The following MICALL2 variants were observed in gnomAD, a reference collection of about 807,000 sequenced individuals.
MICALL2 encodes the protein MICAL-like protein 2.
Under a neutral mutation model 91.1 loss-of-function variants are expected in MICALL2, and 111 were observed. The ratio of observed to expected loss-of-function variants is 1.22; its 90% CI spans 1.04 to 1.43. MICALL2 has a LOEUF of 1.43. MICALL2 is among the 40% of genes most tolerant of loss of function. The pLI is 0.00. For synonymous variants in MICALL2, 694 were observed against 525.3 expected, an observed-to-expected ratio of 1.32 and a Z score of -4.39; for missense variants, 1,556 against 1,236.0, an observed-to-expected ratio of 1.26 and a Z score of -3.88.
At chr7:1,458,113 G>A (rs1364444588) in intron 1 of MICALL2, among the ~76,000 whole-genome samples, 2 of 152,378 alleles carry the variant, frequency 1.3e-5, no homozygotes, top group East Asian at 3.9e-4. Flanking sequence ...CAGGGGCCGA[G>A]GCTGTTGCTC....
chr7:1,447,811 G>A (rs779940381), intron 3 of MICALL2, 46 bp from the exon 4 acceptor site: 2 of 1,416,472 alleles, frequency 1.4e-6, no homozygotes, highest in Non-Finnish European at 1.9e-6. Flanking sequence ...GCCTGGCTCT[G>A]AAAGGGTCTA....
At chr7:1,453,789 G>A (rs1017657110) in intron 1 of MICALL2, among the ~76,000 whole-genome samples, 7 of 152,128 alleles carry the variant, frequency 4.6e-5, no homozygotes, top group African/African-American at 4.8e-5. Flanking sequence ...ACCATGGCCC[G>A]GCTCCAAGAC....
intron 13 of MICALL2, 118 bp downstream of exon 13, chr7:1,437,772 G>A: frequency 1.6e-6 from 2 of 1,248,548 alleles, no homozygotes; most frequent in East Asian, 5.1e-5. Context: ...CGAGGTCCTG[G>A]ACCTGCCGCA....
intron 4 of MICALL2, among the ~76,000 whole-genome samples, chr7:1,447,359 T>TCCCTGGGACTCGATTTA (rs376790657): frequency 9.0e-4 from 137 of 152,220 alleles, no homozygotes; most frequent in African/African-American, 3.0e-3. Flanking sequence ...CTTTGTGCTC[T>TCCCTGGGACTCGATTTA]CCCATCTGTA....
At chr7:1,437,705 C>G in intron 13 of MICALL2, 97 bp from the exon 14 acceptor site, 1 of 1,377,852 alleles carries the variant, frequency 7.3e-7, no homozygotes, top group Non-Finnish European at 1.0e-6. Flanking sequence ...GCCACACAGA[C>G]ACGAGTCTGA....
chr7:1,448,771 G>A lies in MICALL2; in HGVS notation c.193-10C>T. The A allele has an allele frequency of 1.2e-6, 2 of 1,612,120 alleles. No individual in the cohort carries two copies. Among genetic ancestry groups the A allele is most frequent in the South Asian group, 1.1e-5 (1 of 91,052 alleles). On this transcript the variant is annotated splice_polypyrimidine_tract_variant and intron_variant, in intron 2 of 16. Coordinates refer to ENST00000297508, the MANE Select transcript of MICALL2 (RefSeq NM_182924.4). Reference sequence around the variant, plus strand: ...CGGCCACGCGGAAGGCCTGCGAAAGGTGGGAGGGGGTCAGCGGGGCAGCTG... The same window carrying A: ...CGGCCACGCGGAAGGCCTGCGAAAGATGGGAGGGGGTCAGCGGGGCAGCTG...
rs138896935 is a variant in MICALL2, at chr7:1,440,612, T to C, written c.1784A>G (p.Asp595Gly). The C allele has an allele frequency of 1.2e-6, 2 of 1,612,624 alleles. No individual in the cohort carries two copies. Among genetic ancestry groups the C allele is most frequent in the African/African-American group, 1.3e-5 (1 of 74,892 alleles). ...TAACCTCTCAGCTGGGCTTCTCCTG[T>C]CCACGGGCTTCAGATTCGCTCTCCA... is the stretch of plus-strand genomic sequence containing the variant. ...AGWRANLKPV[D>G]RRSPAERTLK... The change falls in exon 8 of 17, where the codon GAC becomes GGC. Residue 595 changes from aspartate to glycine, a missense_variant. Coordinates refer to ENST00000297508, the MANE Select transcript of MICALL2 (RefSeq NM_182924.4).
At position 1,446,843 on chromosome 7, in the gene MICALL2, A is replaced by G. The variant is rs371280045; in HGVS notation, c.526-15T>C. On this transcript the variant is annotated splice_polypyrimidine_tract_variant and intron_variant, in intron 4 of 16. Transcript: ENST00000297508. ...AATGCCTGGTCCTGGGGAAGATGCC[A>G]GCACCTCTCTGAGCAGCCGTCCACC... The G allele has an allele frequency of 5.8e-6, 9 of 1,548,860 alleles. No homozygotes were observed. In the African/African-American group the frequency reaches 1.2e-4, roughly 21 times the overall value.
Position 1,445,422 on chromosome 7 carries a change from C to T in MICALL2, c.648G>A (p.Lys216=), listed in dbSNP as rs778632815. 1 of 1,538,386 alleles carries T rather than the reference C, an allele frequency of 6.5e-7. No homozygotes were observed. The highest frequency in any genetic ancestry group is 8.7e-7 in the Non-Finnish European group (1 of 1,148,052). ...RLYHRSCFRC[K]QCSCTLHSGA... ...CCGAGTGCAGCGTGCAGGAGCACTG[C>T]TTACACCTGGGGGAGGAAAGGCACA... Residue 216 remains lysine, a synonymous_variant, in exon 6 of 17, where the codon AAG becomes AAA. Transcript: ENST00000297508.
rs903350426 is a variant in MICALL2, at chr7:1,440,247, G to A, written c.1806-162C>T. ...TGACTACACCTGCTGGGACCCTCCT[G>A]CAAACACACGTGTCCATCGCTACCT... On this transcript the variant is annotated intron_variant, in intron 8 of 16. Coordinates refer to ENST00000297508, the MANE Select transcript of MICALL2 (RefSeq NM_182924.4). The A allele has an allele frequency of 1.1e-5, 9 of 825,788 alleles. 1 individual carries two copies. The South Asian group carries it at 1.2e-4, about 11-fold the overall frequency. 51.2% of individuals were successfully genotyped at this position (825,788 alleles called of 1,614,324 possible).
At chr7:1,434,770 T>C in intron 16 of MICALL2, 98 bp from the exon 17 acceptor site, 2 of 1,283,944 alleles carry the variant, frequency 1.6e-6, no homozygotes, top group African/African-American at 1.5e-5. Flanking sequence ...TCCCTTCCAC[T>C]GGCCACAATC....
At chr7:1,435,941 A>G (rs2128518521) in intron 15 of MICALL2, among the ~76,000 whole-genome samples, 1 of 151,712 alleles carries the variant, frequency 6.6e-6, no homozygotes, top group South Asian at 2.1e-4. Context: ...AGTCCCAGCT[A>G]CTTGGGAAGC....
rs1379218307 is a variant in MICALL2 at position 1,442,491 on chromosome 7, G to A, written c.1419-7C>T. On this transcript the variant is annotated splice_polypyrimidine_tract_variant and splice_region_variant and intron_variant, in intron 6 of 16. Coordinates refer to ENST00000297508, the MANE Select transcript of MICALL2 (RefSeq NM_182924.4). The stretch of plus-strand genomic sequence containing the variant: ...GGCAGTGGCTGGGGAGGGCCTATAA[G>A]TAAAAGCGCAGGCATCAGGCACAGC... 1.3e-6 allele frequency: 2 copies of A among 1,523,492 alleles called. No individual in the cohort carries two copies. Among genetic ancestry groups the A allele is most frequent in the African/African-American group, 1.4e-5 (1 of 72,074 alleles). The allele number at this position is 1,523,492 out of a possible 1,614,324, so 94.4% of individuals were successfully genotyped here.
chr7:1,457,195 T>G (rs530382680), intron 1 of MICALL2, among the ~76,000 whole-genome samples: 2 of 152,188 alleles, frequency 1.3e-5, no homozygotes, highest in Non-Finnish European at 2.9e-5. Context: ...CCATATCTAC[T>G]GAACCCCAAC....
At chr7:1,448,512 T>C in intron 3 of MICALL2, 108 bp downstream of exon 3, 3 of 1,037,278 alleles carry the variant, frequency 2.9e-6, no homozygotes, top group African/African-American at 1.8e-5. Context: ...GGGGCCATTC[T>C]TGGGGGGGGG....
intron 14 of MICALL2, 133 bp from the exon 15 acceptor site, chr7:1,436,989 C>T (rs1053020430): frequency 1.0e-5 from 6 of 597,854 alleles, no homozygotes; most frequent in Admixed American, 7.3e-5. Context: ...GGATCCGGAG[C>T]AGAATGAATG....
Position 1,437,995 on chromosome 7 carries a change from C to T in MICALL2, c.2312-15G>A. On this transcript the variant is annotated splice_polypyrimidine_tract_variant and intron_variant, in intron 12 of 16. Transcript: ENST00000297508. ...CTCAGCGTCATCTGGGGAGAGGAGC[C>T]AGCTGGGGCAGGGGGGCCCGCCAGA... The T allele has an allele frequency of 6.4e-7, 1 of 1,550,808 alleles. No individual in the cohort carries two copies. Among genetic ancestry groups the T allele is most frequent in the Non-Finnish European group, 8.7e-7 (1 of 1,147,746 alleles).
At chr7:1,454,287 G>A (rs1349718983) in intron 1 of MICALL2, among the ~76,000 whole-genome samples, 2 of 152,054 alleles carry the variant, frequency 1.3e-5, no homozygotes, top group East Asian at 1.9e-4. Flanking sequence ...GCAGGTGGAC[G>A]GACAGAGAGA....
intron 1 of MICALL2, among the ~76,000 whole-genome samples, chr7:1,453,420 C>A (rs991969349): frequency 2.0e-5 from 3 of 152,272 alleles, no homozygotes; most frequent in South Asian, 2.1e-4. Flanking sequence ...CCGGGAAGAT[C>A]CTCCCTCCTG....
Sources: allele counts gnomAD v4.1 joint callset (sites outside exome capture counted in the v4.1 genomes callset), GRCh38; gene constraint gnomAD v4.1.1; transcripts MANE v1.5; gene names NCBI Gene and HGNC (gene_info 2026-07-23, HGNC 2026-07-21).